Variants in TOX3 observed in about 807,000 individuals in gnomAD.
The protein encoded by TOX3 is TOX high mobility group box family member 3.
TOX3 carries 22 observed loss-of-function variants against 64.3 expected under a neutral mutation model. The observed-to-expected ratio is 0.34, with a 90% CI of 0.24 to 0.49. The LOEUF is 0.49. Among genes scored for constraint, TOX3 ranks in the 20% least tolerant of loss-of-function variants. TOX3 has a pLI of 0.99. For synonymous variants in TOX3, 291 were observed against 273.6 expected, an observed-to-expected ratio of 1.06 and a Z score of -0.63; for missense variants, 661 against 714.4, an observed-to-expected ratio of 0.93 and a Z score of 0.85.
chr16:52,505,901 A>C (rs2151467828), intron 1 of TOX3, among the ~76,000 whole-genome samples: 1 of 152,244 alleles, frequency 6.6e-6, no homozygotes. Flanking sequence ...GATTGAGCCC[A>C]AGAGATGGCG....
intron 1 of TOX3, among the ~76,000 whole-genome samples, chr16:52,503,853 A>G (rs572660411): frequency 3.0e-4 from 46 of 152,210 alleles, no homozygotes; most frequent in Non-Finnish European, 6.5e-4. Flanking sequence ...TAAATGTATC[A>G]TATAATCTAT....
intron 3 of TOX3, among the ~76,000 whole-genome samples, chr16:52,454,331 G>A (rs1325253450): frequency 1.3e-5 from 2 of 152,074 alleles, no homozygotes; most frequent in African/African-American, 4.8e-5. Flanking sequence ...CCAAAACTTA[G>A]AGTCATCCAC....
At chr16:52,508,250 C>A (rs1322040679) in intron 1 of TOX3, among the ~76,000 whole-genome samples, 7 of 152,144 alleles carry the variant, frequency 4.6e-5, no homozygotes, top group African/African-American at 1.4e-4. Flanking sequence ...TACAACCATT[C>A]TGGAAAATAA....
At chr16:52,491,424 T>G (rs570100832) in intron 1 of TOX3, among the ~76,000 whole-genome samples, 1 of 152,302 alleles carries the variant, frequency 6.6e-6, no homozygotes, top group East Asian at 1.9e-4. Context: ...TCACAGCAGC[T>G]CCTCAAATCT....
At chr16:52,547,175 C>G (rs1047984113), upstream of TOX3, among the ~76,000 whole-genome samples, 1 of 144,144 alleles carries the variant, frequency 6.9e-6, no homozygotes, top group Non-Finnish European at 1.5e-5. Context: ...CCTTCTCCCC[C>G]TCCTGCCTCA....
chr16:52,536,441 G>A (rs993814158), intron 1 of TOX3, among the ~76,000 whole-genome samples: 13 of 151,072 alleles, frequency 8.6e-5, no homozygotes, highest in African/African-American at 2.9e-4. Flanking sequence ...CAAAAAGATG[G>A]GATGAAGGCT....
intron 1 of TOX3, among the ~76,000 whole-genome samples, chr16:52,475,029 G>A (rs1019544157): frequency 6.6e-5 from 10 of 151,942 alleles, no homozygotes; most frequent in South Asian, 2.1e-4. Flanking sequence ...CCCAGGGTTC[G>A]TTCACTCCCT....
rs748115079 is a variant in TOX3 at position 52,464,143 on chromosome 16, G to T, written c.199C>A (p.Pro67Thr). The T allele has an allele frequency of 6.3e-7, 1 of 1,579,122 alleles. No individual in the cohort carries two copies. Among genetic ancestry groups the T allele is most frequent in the South Asian group, 1.2e-5 (1 of 85,434 alleles). The change falls in exon 3 of 7, where the codon CCA becomes ACA. Residue 67 changes from proline to threonine, a missense_variant. Coordinates refer to ENST00000219746, the MANE Select transcript of TOX3 (RefSeq NM_001080430.4). ...GACTCTGGAGGAGGCGTGATTGGTG[G>T]AATTTCGAATTCCTCGTCCCCAAGG... ...PSLGDEEFEI[P>T]PITPPPESDP...
chr16:52,501,608 C>T (rs545558886), intron 1 of TOX3, among the ~76,000 whole-genome samples: 6 of 151,394 alleles, frequency 4.0e-5, no homozygotes, highest in Non-Finnish European at 8.8e-5. Flanking sequence ...TTCAGTGAGT[C>T]GACACCGCGC....
chr16:52,461,734 A>G (rs975289237), intron 3 of TOX3, among the ~76,000 whole-genome samples: 1 of 152,158 alleles, frequency 6.6e-6, no homozygotes, highest in East Asian at 1.9e-4. Flanking sequence ...AGCTGAATGC[A>G]TGACGTATAA....
At chr16:52,545,571 G>A (rs1011663270) in intron 1 of TOX3, among the ~76,000 whole-genome samples, 1 of 152,142 alleles carries the variant, frequency 6.6e-6, no homozygotes, top group African/African-American at 2.4e-5. Context: ...ATTTCCTCCT[G>A]TTATCCAAGC....
At chr16:52,534,690 A>G (rs1962914364) in intron 1 of TOX3, among the ~76,000 whole-genome samples, 2 of 152,148 alleles carry the variant, frequency 1.3e-5, no homozygotes, top group Non-Finnish European at 2.9e-5. Context: ...GACTCTGGGA[A>G]CAAGATTCTC....
chr16:52,536,714 T>C (rs1421106494), intron 1 of TOX3, among the ~76,000 whole-genome samples: 1 of 143,600 alleles, frequency 7.0e-6, no homozygotes, highest in Non-Finnish European at 1.5e-5. Flanking sequence ...TTTCTCACTC[T>C]ATATCCATAC....
At chr16:52,512,209 G>T (rs1295154033) in intron 1 of TOX3, among the ~76,000 whole-genome samples, 1 of 152,104 alleles carries the variant, frequency 6.6e-6, no homozygotes, top group Non-Finnish European at 1.5e-5. Flanking sequence ...CATAAATATT[G>T]GCTCAAATGG....
chr16:52,522,563 G>T (rs545509127), intron 1 of TOX3, among the ~76,000 whole-genome samples: 2 of 152,298 alleles, frequency 1.3e-5, no homozygotes, highest in South Asian at 2.1e-4. Flanking sequence ...TGACACAGGG[G>T]TTTGTGAGCC....
At chr16:52,537,269 G>A (rs894742070) in intron 1 of TOX3, among the ~76,000 whole-genome samples, 1 of 151,930 alleles carries the variant, frequency 6.6e-6, no homozygotes, top group South Asian at 2.1e-4. Flanking sequence ...AGACATTCTA[G>A]TGTCTCCACA....
chr16:52,519,511 T>G (rs1962544693), intron 1 of TOX3: 3 of 1,550,440 alleles, frequency 1.9e-6, no homozygotes, highest in Non-Finnish European at 2.6e-6. Context: ...AGTATCTAAA[T>G]CCTCTCTACC....
chr16:52,503,688 A>T (rs1567339173), intron 1 of TOX3, among the ~76,000 whole-genome samples: 1 of 152,182 alleles, frequency 6.6e-6, no homozygotes, highest in Non-Finnish European at 1.5e-5. Flanking sequence ...ATTCTATAGA[A>T]CTTGTTATTC....
chr16:52,532,607 T>C (rs1298511480), intron 1 of TOX3, among the ~76,000 whole-genome samples: 1 of 152,224 alleles, frequency 6.6e-6, no homozygotes, highest in African/African-American at 2.4e-5. Flanking sequence ...AAACAAAATA[T>C]GTGTTTTTGA....
Sources: allele counts gnomAD v4.1 joint callset (sites outside exome capture counted in the v4.1 genomes callset), GRCh38; gene constraint gnomAD v4.1.1; transcripts MANE v1.5; gene names NCBI Gene and HGNC (gene_info 2026-07-23, HGNC 2026-07-21).